The following KMT2A variants were observed in gnomAD, a reference collection of about 807,000 sequenced individuals.
KMT2A encodes lysine methyltransferase 2A.
KMT2A carries 16 observed loss-of-function variants against 345.3 expected under a neutral mutation model. The observed-to-expected ratio is 0.05, with a 90% CI of 0.03 to 0.07. The LOEUF (loss-of-function observed/expected upper bound fraction) is 0.07, where lower values mean the gene tolerates loss of function less well. Among genes scored for constraint, KMT2A ranks in the 10% least tolerant of loss-of-function variants. The pLI is 1.00. For missense variants in KMT2A, 3,272 were observed against 4,841.6 expected (o/e 0.68, Z 9.62); for synonymous variants, 1,599 against 1,778.6 (o/e 0.90, Z 2.54).
At chr11:118,460,377 C>T (rs893680746) in intron 1 of KMT2A, among the ~76,000 whole-genome samples, 2 of 150,722 alleles carry the variant, frequency 1.3e-5, no homozygotes, top group Non-Finnish European at 3.0e-5. Flanking sequence ...CAACCTCCGT[C>T]CCCCAGGCTC....
At position 118,509,118 on chromosome 11, in the gene KMT2A, C is replaced by G. The variant is rs1555049369; in HGVS notation, c.10836-18C>G. The G allele has an allele frequency of 6.2e-7, 1 of 1,608,986 alleles. No individual in the cohort carries two copies. Among genetic ancestry groups the G allele is most frequent in the Non-Finnish European group, 8.5e-7 (1 of 1,175,794 alleles). On this transcript the variant is annotated intron_variant, in intron 28 of 35. Coordinates refer to ENST00000534358, the MANE Select transcript of KMT2A (RefSeq NM_001197104.2). ...AAGAACTAGCTGATATTATATCTTACATTTGGTTTTTATTTAGGCAAGTCG... is the reference window on the plus strand; with the variant it reads ...AAGAACTAGCTGATATTATATCTTAGATTTGGTTTTTATTTAGGCAAGTCG...
chr11:118,518,804 G>A (rs372708660), intron 31 of KMT2A, among the ~76,000 whole-genome samples: 3 of 144,376 alleles, frequency 2.1e-5, no homozygotes, highest in Admixed American at 7.2e-5. Context: ...AAAGCCGGGC[G>A]CGGTGGCTCA....
chr11:118,458,924 A>G (rs923154151), intron 1 of KMT2A, among the ~76,000 whole-genome samples: 1 of 152,352 alleles, frequency 6.6e-6, no homozygotes, highest in Middle Eastern at 3.4e-3. Flanking sequence ...GGAATGATAT[A>G]TAATGGTACT....
intron 1 of KMT2A, among the ~76,000 whole-genome samples, chr11:118,453,971 G>A (rs532317440): frequency 1.2e-3 from 180 of 152,076 alleles, no homozygotes; most frequent in African/African-American, 4.2e-3. Flanking sequence ...AAGATTTATC[G>A]TCGATTTATC....
chr11:118,507,163 T>C (rs1442159615), intron 27 of KMT2A, among the ~76,000 whole-genome samples: 1 of 152,140 alleles, frequency 6.6e-6, no homozygotes, highest in Non-Finnish European at 1.5e-5. Context: ...CTGGGTGTGG[T>C]GTTGCACACC....
chr11:118,478,241 C>A, intron 5 of KMT2A, 40 bp downstream of exon 5: 1 of 1,477,574 alleles, frequency 6.8e-7, no homozygotes, highest in Non-Finnish European at 9.3e-7. Flanking sequence ...ACCTCTCAAC[C>A]ATAAAGGTTG....
In KMT2A at chr11:118,503,909, G is replaced by A; in HGVS notation, c.8017G>A (p.Asp2673Asn). Residue 2673 changes from aspartate (D) to asparagine (N), a missense_variant, in exon 27 of 36, where the codon GAC (aspartate) becomes AAC (asparagine). By Grantham distance (23) the Asp-to-Asn change is conservative. This residue lies in a region of KMT2A where 47 missense variants were observed against 53.6 expected (regional missense o/e 0.88). Transcript: ENST00000534358. This position sits in a 1 kb window ranked among gnomAD's most constrained non-coding sequence, Gnocchi z 5.3. ...SAEGQVDGAD[D>N]LSTSDEDDLY... Reference sequence around the variant, plus strand: ...TGAAGGACAGGTGGATGGGGCCGATGACTTAAGCACTTCAGATGAAGACGA... The same window carrying A: ...TGAAGGACAGGTGGATGGGGCCGATAACTTAAGCACTTCAGATGAAGACGA... The A allele has an allele frequency of 6.2e-7, 1 of 1,614,190 alleles. No homozygotes were observed. The highest frequency in any genetic ancestry group is 8.5e-7 in the Non-Finnish European group (1 of 1,180,038).
chr11:118,513,392 C>CT (rs1284065947), intron 31 of KMT2A, among the ~76,000 whole-genome samples: 136 of 144,586 alleles, frequency 9.4e-4, no homozygotes, highest in Middle Eastern at 3.6e-3. Context: ...GGAATTTTAA[C>CT]TTTTTTTTTT....
rs1265034058 is a variant in KMT2A at position 118,490,800 on chromosome 11, G to A, written c.4697-396G>A. Among the ~76,000 whole-genome samples the A allele has an allele frequency of 3.3e-5, 5 of 152,090 alleles. No homozygotes were observed. Among genetic ancestry groups the A allele is most frequent in the African/African-American group, 9.7e-5 (4 of 41,430 alleles). On this transcript the variant is annotated intron_variant, in intron 13 of 35. Coordinates refer to ENST00000534358, the MANE Select transcript of KMT2A (RefSeq NM_001197104.2). The surrounding 1 kb of genome is among the most constrained non-coding windows in gnomAD (Gnocchi z 4.2). The stretch of plus-strand genomic sequence containing the variant: ...TGCTCCTCTAAGCTCTAATGTAAAT[G>A]CCCTAGAAATAAGGAAAAAGCTTAC...
Position 118,436,820 on chromosome 11 carries a change from C to A in KMT2A, c.308C>A (p.Pro103Gln), listed in dbSNP as rs1166229846. ...TCATCGTCCTCAGCCTCTTCAGGGC[C>A]GGCCCTGCTCCGGGTGGGCCCGGGC... Reference protein sequence around the residue: ...SSSSSSASSGPALLRVGPGFD... With the variant: ...SSSSSSASSGQALLRVGPGFD... Residue 103 changes from proline (P) to glutamine (Q), a missense_variant, in exon 1 of 36, where the codon CCG becomes CAG. Coordinates refer to ENST00000534358, the MANE Select transcript of KMT2A (RefSeq NM_001197104.2). This position sits in a 1 kb window ranked among gnomAD's most constrained non-coding sequence, Gnocchi z 6.9. 6.8e-6 allele frequency: 11 copies of A among 1,608,590 alleles called. No homozygotes were observed. Among genetic ancestry groups the A allele is most frequent in the South Asian group, 1.1e-5 (1 of 90,562 alleles).
Position 118,505,754 on chromosome 11 carries a change from A to C in KMT2A, c.9862A>C (p.Ile3288Leu). Residue 3288 changes from isoleucine to leucine, a missense_variant, in exon 27 of 36, where the codon ATC (isoleucine) becomes CTC (leucine). Ile to Leu is a conservative substitution (Grantham distance 5). Coordinates refer to ENST00000534358, the MANE Select transcript of KMT2A (RefSeq NM_001197104.2). The surrounding 1 kb of genome is among the most constrained non-coding windows in gnomAD (Gnocchi z 4.6). ...TTCATCTCACCGAACTGTCCCCAACATCATAAAAAGATCTAAATCTAGCAT... is the reference window on the plus strand; with the variant it reads ...TTCATCTCACCGAACTGTCCCCAACCTCATAAAAAGATCTAAATCTAGCAT... Reference protein sequence around the residue: ...NTSSHRTVPNIIKRSKSSIMY... With the variant: ...NTSSHRTVPNLIKRSKSSIMY... 3 of 1,614,198 alleles carry C rather than the reference A, an allele frequency of 1.9e-6. No homozygotes were observed. Among genetic ancestry groups the C allele is most frequent in the Non-Finnish European group, 2.5e-6 (3 of 1,180,044 alleles).
intron 1 of KMT2A, chr11:118,439,175 A>G (rs1461897443): frequency 4.0e-5 from 16 of 401,036 alleles, no homozygotes; most frequent in South Asian, 1.3e-4. Flanking sequence ...AAAAAAAAAG[A>G]AAAAAAAGAA....
Position 118,525,254 on chromosome 11 carries a change from G to A in KMT2A, c.*3082G>A, listed in dbSNP as rs1300496262. 9 of 230,694 alleles carry A rather than the reference G, an allele frequency of 3.9e-5. No homozygotes were observed. The highest frequency in any genetic ancestry group is 5.7e-5 in the Admixed American group (1 of 17,676). The allele number at this position is 230,694 out of a possible 1,614,324, so 14.3% of individuals were successfully genotyped here. A position where few individuals can be genotyped will look rare whatever the true frequency, so the allele number is the denominator to read the frequency against. Reference sequence around the variant, plus strand: ...CCCAAATCCCTGAGGAGTAACAGCTGCAAACCTGGTCAGTTCTCAGTGAGA... The same window carrying A: ...CCCAAATCCCTGAGGAGTAACAGCTACAAACCTGGTCAGTTCTCAGTGAGA... On this transcript the variant is annotated 3_prime_UTR_variant, in exon 36 of 36. Coordinates refer to ENST00000534358, the MANE Select transcript of KMT2A (RefSeq NM_001197104.2).
rs549431172 is a variant in KMT2A, at chr11:118,452,638, CTTGT to C, written c.432+15697_432+15700del. Among the ~76,000 whole-genome samples the C allele has an allele frequency of 3.3e-3, 445 of 134,838 alleles. 2 individuals are homozygous for C. Among genetic ancestry groups the C allele is most frequent in the Middle Eastern group, 0.011 (2 of 178 alleles). 88.5% of individuals were successfully genotyped at this position (134,838 alleles called of 152,430 possible). On this transcript the variant is annotated intron_variant, in intron 1 of 35. Coordinates refer to ENST00000534358, the MANE Select transcript of KMT2A (RefSeq NM_001197104.2). ...TGCCCCCTTCTTTTTTTTTTTCTTT[CTTGT>C]TTTTTTTTTGAGATGGAGTCTCACT...
Position 118,521,428 on chromosome 11 carries a change from C to T in KMT2A, c.11643+11C>T, listed in dbSNP as rs1950965653. On this transcript the variant is annotated intron_variant, in intron 35 of 35. Transcript: ENST00000534358. This position sits in a 1 kb window ranked among gnomAD's most constrained non-coding sequence, Gnocchi z 5.3. ...TATTACGACAGCAAGGTAAGTCTCC[C>T]ACTTGCACTCACACAGTTCTTTTGT... The T allele has an allele frequency of 6.2e-7, 1 of 1,613,706 alleles. No individual in the cohort carries two copies. The highest frequency in any genetic ancestry group is 8.5e-7 in the Non-Finnish European group (1 of 1,179,754).
Position 118,482,468 on chromosome 11 carries a change from C to A in KMT2A, c.4059C>A (p.Ile1353=). The change falls in exon 8 of 36, where the codon ATC becomes ATA. Residue 1353 remains isoleucine (I), a synonymous_variant. Transcript: ENST00000534358. ...AAAAAGTGGCTCCCCGCCCAAGTATCCCTGTAAAACAAAAACCAAAAGAAA... is the reference window on the plus strand; with the variant it reads ...AAAAAGTGGCTCCCCGCCCAAGTATACCTGTAAAACAAAAACCAAAAGAAA... ...KQKKVAPRPS[I]PVKQKPKEKE... 6.2e-7 allele frequency: 1 copy of A among 1,613,086 alleles called. No individual in the cohort carries two copies. Among genetic ancestry groups the A allele is most frequent in the South Asian group, 1.1e-5 (1 of 91,032 alleles).
At chr11:118,458,690 A>C (rs192869509) in intron 1 of KMT2A, among the ~76,000 whole-genome samples, 1 of 152,354 alleles carries the variant, frequency 6.6e-6, no homozygotes, top group Non-Finnish European at 1.5e-5. Context: ...GCATGTCTTT[A>C]AGGTGCAACA....
Position 118,495,626 on chromosome 11 carries a change from C to G in KMT2A, c.5364-74C>G, listed in dbSNP as rs1455553970. On this transcript the variant is annotated intron_variant, in intron 18 of 35. Coordinates refer to ENST00000534358, the MANE Select transcript of KMT2A (RefSeq NM_001197104.2). The surrounding 1 kb of genome is among the most constrained non-coding windows in gnomAD (Gnocchi z 4.1). ...TCCTACATGGGGCAACAGGTGATATCAAGAATTTATTTTATACAGTTCTAG... is the reference window on the plus strand; with the variant it reads ...TCCTACATGGGGCAACAGGTGATATGAAGAATTTATTTTATACAGTTCTAG... The G allele has an allele frequency of 2.5e-6, 3 of 1,202,716 alleles. No individual in the cohort carries two copies. In the East Asian group the frequency reaches 7.5e-5, roughly 30 times the overall value. The allele number at this position is 1,202,716 out of a possible 1,614,324, so 74.5% of individuals were successfully genotyped here.
chr11:118,485,576 T>C (rs1555040660), intron 10 of KMT2A, among the ~76,000 whole-genome samples: 3 of 152,212 alleles, frequency 2.0e-5, no homozygotes. Context: ...TTACAATCTT[T>C]CTTTCTGAGG....
Sources: allele counts gnomAD v4.1 joint callset (sites outside exome capture counted in the v4.1 genomes callset), GRCh38; gene constraint gnomAD v4.1.1; regional missense constraint gnomAD v4.1.1; non-coding constraint Gnocchi (gnomAD v3.1); transcripts MANE v1.5; gene names NCBI Gene and HGNC (gene_info 2026-07-23, HGNC 2026-07-21).